PALM: variants seen among roughly 807,000 people sequenced by gnomAD.
PALM encodes paralemmin-1.
A neutral mutation model predicts 30.7 loss-of-function variants in PALM; 18 were observed. That is an observed-to-expected ratio of 0.59 (90% CI 0.41 to 0.87). PALM has a LOEUF of 0.87. Ranked by LOEUF, PALM falls within the 40% of genes least tolerant of loss-of-function variation. The pLI, the probability that PALM is intolerant of heterozygous loss-of-function variation, is 0.00. For missense variants in PALM, 529 were observed against 555.4 expected, an observed-to-expected ratio of 0.95 and a Z score of 0.48; for synonymous variants, 286 against 242.8, an observed-to-expected ratio of 1.18 and a Z score of -1.66.
At chr19:710,607 C>T (rs1418464935) in intron 1 of PALM, among the ~76,000 whole-genome samples, 1 of 152,052 alleles carries the variant, frequency 6.6e-6, no homozygotes, top group South Asian at 2.1e-4. Context: ...CCTGCCACCC[C>T]TTCCTTTCCC....
At chr19:730,821 G>GAAAC (rs1391148763) in intron 4 of PALM, among the ~76,000 whole-genome samples, 2 of 152,110 alleles carry the variant, frequency 1.3e-5, no homozygotes, top group African/African-American at 4.8e-5. Context: ...CCAACATGGT[G>GAAAC]AAACCCTGTC....
At chr19:718,207 G>A (rs2032331966) in intron 1 of PALM, among the ~76,000 whole-genome samples, 1 of 152,084 alleles carries the variant, frequency 6.6e-6, no homozygotes, top group South Asian at 2.1e-4. Flanking sequence ...AAAAAGATAA[G>A]TAAAGTGATC....
chr19:747,179 A>G lies in PALM; in HGVS notation c.*365A>G. 9.2e-6 allele frequency: 2 copies of G among 218,128 alleles called. No homozygotes were observed. Among genetic ancestry groups the G allele is most frequent in the South Asian group, 1.5e-4 (2 of 13,232 alleles). 13.5% of individuals were successfully genotyped at this position (218,128 alleles called of 1,614,324 possible). ...TCCACGCGGCCCAGGCCAGCCTGCC[A>G]CCCTCTGGGCCTCCTACCTGTGCCT... On this transcript the variant is annotated 3_prime_UTR_variant, in exon 9 of 9. Transcript: ENST00000338448.
At chr19:745,324 C>A (rs1010063759) in intron 8 of PALM, among the ~76,000 whole-genome samples, 3 of 152,230 alleles carry the variant, frequency 2.0e-5, no homozygotes, top group Non-Finnish European at 4.4e-5. Flanking sequence ...TTTGAACTTT[C>A]ATTTTTGCTA....
intron 3 of PALM, 99 bp from the exon 4 acceptor site, chr19:727,465 C>T: frequency 1.0e-6 from 1 of 981,212 alleles, no homozygotes; most frequent in Non-Finnish European, 1.6e-6. Flanking sequence ...CTTGGTCCTG[C>T]CTCAACCCCG....
rs2032968492 is a variant in PALM at position 734,577 on chromosome 19, G to A, written c.442+383G>A. On this transcript the variant is annotated intron_variant, in intron 6 of 8. Coordinates refer to ENST00000338448, the MANE Select transcript of PALM (RefSeq NM_002579.3). ...AAATTAGCCGCCGGCCAGGCCCAGT[G>A]GCTCAGACCTGTAACCCCAGCGCTC... is the stretch of plus-strand genomic sequence containing the variant. 2.4e-5 allele frequency: 6 copies of A among 251,694 alleles called. No homozygotes were observed. The South Asian group carries it at 2.6e-4, about 11-fold the overall frequency. 15.6% of individuals were successfully genotyped at this position (251,694 alleles called of 1,614,324 possible).
intron 1 of PALM, among the ~76,000 whole-genome samples, chr19:719,952 G>T (rs944537227): frequency 2.6e-5 from 4 of 152,176 alleles, no homozygotes; most frequent in Non-Finnish European, 4.4e-5. Flanking sequence ...AATCTGTGAC[G>T]TGGAGCGTTC....
At chr19:716,323 G>T (rs1381061491) in intron 1 of PALM, among the ~76,000 whole-genome samples, 1 of 151,972 alleles carries the variant, frequency 6.6e-6, no homozygotes, top group African/African-American at 2.4e-5. Flanking sequence ...TGAGGCAGGA[G>T]AATCGCTTGA....
chr19:727,153 TCCTGCCCAAC>T (rs2032696877), intron 3 of PALM, 65 bp downstream of exon 3: 3 of 1,101,108 alleles, frequency 2.7e-6, no homozygotes, highest in Non-Finnish European at 4.0e-6. Flanking sequence ...GGCCCCGGAC[TCCTGCCCAAC>T]CCTGACCCTG....
intron 1 of PALM, among the ~76,000 whole-genome samples, chr19:715,924 G>T (rs563301819): frequency 2.6e-5 from 4 of 152,268 alleles, no homozygotes; most frequent in Admixed American, 2.6e-4. Context: ...GATACATGAG[G>T]GGGTGGAGGG....
intron 2 of PALM, 35 bp from the exon 3 acceptor site, chr19:726,973 C>G (rs1459401900): frequency 8.0e-7 from 1 of 1,252,380 alleles, no homozygotes; most frequent in African/African-American, 1.5e-5. Flanking sequence ...GGGACCCCCA[C>G]GCCCATCCCT....
chr19:738,731 C>T (rs1049795836), intron 7 of PALM, among the ~76,000 whole-genome samples: 3 of 152,086 alleles, frequency 2.0e-5, no homozygotes, highest in South Asian at 2.1e-4. Flanking sequence ...GTCCCCGGCG[C>T]AGAGCAGAGT....
Position 724,601 on chromosome 19 carries a change from G to A in PALM, c.6-1537G>A, listed in dbSNP as rs561785960. 3.0e-4 allele frequency among the ~76,000 whole-genome samples: 46 copies of A among 150,944 alleles called. 1 individual carries two copies. In the South Asian group the frequency reaches 6.9e-3, roughly 23 times the overall value. On this transcript the variant is annotated intron_variant, in intron 1 of 8. Coordinates refer to ENST00000338448, the MANE Select transcript of PALM (RefSeq NM_002579.3). ...CTCCCAAAGTGCTGGGATTACAAGC[G>A]TGAGCCACTGCGCCCGGCCATTCAT...
At chr19:739,428 C>G (rs1422812843) in intron 7 of PALM, among the ~76,000 whole-genome samples, 1 of 152,118 alleles carries the variant, frequency 6.6e-6, no homozygotes, top group Non-Finnish European at 1.5e-5. Flanking sequence ...GTTTATAATC[C>G]CAGGGCTTTG....
intron 1 of PALM, among the ~76,000 whole-genome samples, chr19:710,450 A>G (rs56279740): frequency 0.061 from 9,191 of 151,906 alleles, 312 homozygotes; most frequent in African/African-American, 0.087. Flanking sequence ...CCTGCTCGCC[A>G]GGCCCCGGAG....
In PALM at chr19:709,965, C is replaced by T. The variant is rs2032018819; in HGVS notation, c.5+814C>T. Reference sequence around the variant, plus strand: ...AGCGAGGGCGCGTGGTCATTTCGGACACCGGTCCCCTCCTCCCGGTGCTCG... The same window carrying T: ...AGCGAGGGCGCGTGGTCATTTCGGATACCGGTCCCCTCCTCCCGGTGCTCG... On this transcript the variant is annotated intron_variant, in intron 1 of 8. Transcript: ENST00000338448. The surrounding 1 kb of genome is among the most constrained non-coding windows in gnomAD (Gnocchi z 4.3). Among the ~76,000 whole-genome samples the T allele has an allele frequency of 6.6e-6, 1 of 152,096 alleles. No homozygotes were observed. Among genetic ancestry groups the T allele is most frequent in the African/African-American group, 2.4e-5 (1 of 41,406 alleles).
chr19:723,966 G>T (rs2032579282), intron 1 of PALM, among the ~76,000 whole-genome samples: 1 of 152,084 alleles, frequency 6.6e-6, no homozygotes, highest in Non-Finnish European at 1.5e-5. Context: ...GGAGGGGAGG[G>T]GAGGGTTTGG....
At chr19:714,152 T>G (rs1360117771) in intron 1 of PALM, among the ~76,000 whole-genome samples, 2 of 147,364 alleles carry the variant, frequency 1.4e-5, no homozygotes, top group Non-Finnish European at 3.0e-5. Flanking sequence ...TGATCTACCC[T>G]CCTCGGCCTC....
intron 1 of PALM, among the ~76,000 whole-genome samples, chr19:723,197 G>T (rs1007624953): frequency 8.5e-5 from 13 of 152,246 alleles, no homozygotes; most frequent in African/African-American, 2.6e-4. Context: ...CTGTGCCTCC[G>T]TGTTTGCGTG....
Sources: allele counts gnomAD v4.1 joint callset (sites outside exome capture counted in the v4.1 genomes callset), GRCh38; gene constraint gnomAD v4.1.1; non-coding constraint Gnocchi (gnomAD v3.1); transcripts MANE v1.5; gene names NCBI Gene and HGNC (gene_info 2026-07-23, HGNC 2026-07-21).